ENTREP2: variants seen among roughly 807,000 people sequenced by gnomAD.
ENTREP2 encodes the protein endosomal transmembrane epsin interactor 2.
chr15:29,130,189 C>T, the ENTREP2 span, among the ~76,000 whole-genome samples: 9,040 of 152,162 alleles, frequency 0.059, 622 homozygotes, highest in African/African-American at 0.17. Context: ...AAAGAGAAGA[C>T]GGAGAGCTGC....
chr15:29,126,691 TG>T, the ENTREP2 span, among the ~76,000 whole-genome samples: 1 of 152,210 alleles, frequency 6.6e-6, no homozygotes, highest in East Asian at 1.9e-4. Context: ...ATTCCAGGAA[TG>T]GCATGGTTCG....
At chr15:29,289,020 C>T in the ENTREP2 span, among the ~76,000 whole-genome samples, 11 of 152,016 alleles carry the variant, frequency 7.2e-5, no homozygotes, top group Middle Eastern at 3.4e-3. Flanking sequence ...GCCTGGGCAA[C>T]GTGGCAAAAC....
At chr15:29,139,559 C>T in the ENTREP2 span, among the ~76,000 whole-genome samples, 7 of 152,336 alleles carry the variant, frequency 4.6e-5, no homozygotes, top group South Asian at 1.5e-3. Context: ...AAAACACTTT[C>T]CAATTCAAGG....
the ENTREP2 span, among the ~76,000 whole-genome samples, chr15:29,299,667 G>A: frequency 6.6e-6 from 1 of 152,032 alleles, no homozygotes; most frequent in East Asian, 1.9e-4. Context: ...CTTTCTGCCT[G>A]TAATTATCAC....
chr15:29,401,788 T>C, the ENTREP2 span, among the ~76,000 whole-genome samples: 1 of 152,198 alleles, frequency 6.6e-6, no homozygotes, highest in East Asian at 1.9e-4. Context: ...AGAACATGAA[T>C]ATGTGCATTA....
the ENTREP2 span, among the ~76,000 whole-genome samples, chr15:29,239,907 A>C: frequency 6.6e-6 from 1 of 152,182 alleles, no homozygotes; most frequent in Non-Finnish European, 1.5e-5. Flanking sequence ...AGTTTCTCTC[A>C]TTATTCAAAG....
At chr15:29,630,220 T>C in the ENTREP2 span, among the ~76,000 whole-genome samples, 1 of 152,206 alleles carries the variant, frequency 6.6e-6, no homozygotes, top group African/African-American at 2.4e-5. Context: ...CAGAAATAAA[T>C]GGTACTTTCA....
the ENTREP2 span, among the ~76,000 whole-genome samples, chr15:29,587,282 T>C: frequency 1.6e-4 from 25 of 151,548 alleles, no homozygotes; most frequent in Non-Finnish European, 2.5e-4. Context: ...TCCTGAAATA[T>C]TACACCATTT....
chr15:29,469,681 G>A, the ENTREP2 span, among the ~76,000 whole-genome samples: 6 of 152,154 alleles, frequency 3.9e-5, no homozygotes, highest in East Asian at 1.9e-4. Context: ...CAGTGTGAAC[G>A]CACTCAATGC....
chr15:29,165,142 C>T, the ENTREP2 span, among the ~76,000 whole-genome samples: 1 of 152,126 alleles, frequency 6.6e-6, no homozygotes, highest in African/African-American at 2.4e-5. Flanking sequence ...AATGACACAA[C>T]CTACCAAAAC....
chr15:29,360,718 C>T, the ENTREP2 span, among the ~76,000 whole-genome samples: 1 of 152,210 alleles, frequency 6.6e-6, no homozygotes, highest in East Asian at 1.9e-4. Context: ...GATCCTCTCA[C>T]CCTGACAGCT....
chr15:29,224,028 A>C, the ENTREP2 span, among the ~76,000 whole-genome samples: 50,592 of 152,094 alleles, frequency 0.33, 9,931 homozygotes, highest in East Asian at 0.6. Context: ...ACTGACTTCC[A>C]GAACGAAGCC....
the ENTREP2 span, among the ~76,000 whole-genome samples, chr15:29,244,470 G>C: frequency 6.6e-6 from 1 of 152,196 alleles, no homozygotes; most frequent in Non-Finnish European, 1.5e-5. Flanking sequence ...CTGGGCTGAC[G>C]CATGTGCGCC....
the ENTREP2 span, among the ~76,000 whole-genome samples, chr15:29,395,283 T>C: frequency 0.67 from 101,657 of 151,780 alleles, 35,345 homozygotes; most frequent in Admixed American, 0.77. Flanking sequence ...TGCTTCCACC[T>C]TTTAGCTATG....
chr15:29,185,716 C>A, the ENTREP2 span, among the ~76,000 whole-genome samples: 1 of 152,228 alleles, frequency 6.6e-6, no homozygotes, highest in African/African-American at 2.4e-5. Context: ...CGCCCGCCAC[C>A]ACACCTGGCT....
chr15:29,597,825 G>GT, the ENTREP2 span, among the ~76,000 whole-genome samples: 2 of 151,838 alleles, frequency 1.3e-5, no homozygotes, highest in African/African-American at 4.8e-5. Flanking sequence ...GACTCTGATA[G>GT]TAAGACTATG....
chr15:29,427,295 G>A, the ENTREP2 span, among the ~76,000 whole-genome samples: 1 of 152,166 alleles, frequency 6.6e-6, no homozygotes, highest in Non-Finnish European at 1.5e-5. Flanking sequence ...TCATGGAGAA[G>A]CGGGGTTGAA....
At chr15:29,592,709 C>T in the ENTREP2 span, among the ~76,000 whole-genome samples, 38 of 152,112 alleles carry the variant, frequency 2.5e-4, no homozygotes, top group African/African-American at 7.7e-4. Context: ...TGGGTTCTCA[C>T]GGGAGGTGTT....
chr15:29,486,087 T>C, the ENTREP2 span, among the ~76,000 whole-genome samples: 1 of 152,192 alleles, frequency 6.6e-6, no homozygotes, highest in Non-Finnish European at 1.5e-5. Flanking sequence ...CTATTCACAA[T>C]ATCTAAGATA....
Sources: gnomAD v4.1 joint callset for allele counts (sites outside exome capture counted in the v4.1 genomes callset) on GRCh38, gnomAD v4.1.1 for gene constraint, MANE v1.5 for transcripts, NCBI Gene and HGNC (gene_info 2026-07-23, HGNC 2026-07-21) for gene names.